The following FMN1 variants were observed in gnomAD, a reference collection of about 807,000 sequenced individuals.
FMN1 encodes the protein formin 1, also known as formin-1.
Under a neutral mutation model 132.4 loss-of-function variants are expected in FMN1, and 110 were observed. The observed-to-expected ratio is 0.83, with a 90% confidence interval of 0.71 to 0.97. FMN1 has a LOEUF of 0.97. Ranked by LOEUF, FMN1 falls within the 50% of genes least tolerant of loss-of-function variation. The pLI is 0.00. For missense variants in FMN1, 1,792 were observed against 1,705.3 expected (o/e 1.05, Z -0.90); for synonymous variants, 722 against 651.7 (o/e 1.11, Z -1.64).
intron 17 of FMN1, among the ~76,000 whole-genome samples, chr15:32,845,914 T>G (rs1464753740): frequency 3.3e-5 from 5 of 151,858 alleles, no homozygotes. Context: ...TTCATCTTCA[T>G]AATGACACTG....
chr15:33,150,456 A>G (rs746453809), intron 4 of FMN1: 41 of 981,298 alleles, frequency 4.2e-5, no homozygotes, highest in Non-Finnish European at 4.7e-5. Flanking sequence ...TATCACCACT[A>G]TGTGGTGATA....
chr15:33,018,033 C>A (rs2035165340), intron 6 of FMN1, among the ~76,000 whole-genome samples: 1 of 151,484 alleles, frequency 6.6e-6, no homozygotes, highest in East Asian at 1.9e-4. Flanking sequence ...CCACTGCACT[C>A]CAGCCTGGGC....
At chr15:33,012,181 T>C (rs931529540) in intron 6 of FMN1, 7 of 569,294 alleles carry the variant, frequency 1.2e-5, no homozygotes, top group African/African-American at 3.7e-5. Context: ...CATCAGAGGG[T>C]TGGGCTTTGA....
In FMN1 at chr15:32,890,832, G is replaced by A. The variant is rs1287176690; in HGVS notation, c.3715-2540C>T. Among the ~76,000 whole-genome samples the A allele has an allele frequency of 2.6e-5, 4 of 152,212 alleles. No individual in the cohort carries two copies. The East Asian group carries it at 7.7e-4, about 29-fold the overall frequency. ...CCTTGCCTAAGCCAACATCTAGAAG[G>A]GTTTTTCCAATGTTATCTTCTAGAA... On this transcript the variant is annotated intron_variant, in intron 15 of 20. Coordinates refer to ENST00000616417, the MANE Select transcript of FMN1 (RefSeq NM_001277313.2).
intron 17 of FMN1, among the ~76,000 whole-genome samples, chr15:32,841,244 G>A (rs1037705279): frequency 6.6e-6 from 1 of 152,098 alleles, no homozygotes; most frequent in African/African-American, 2.4e-5. Context: ...AATATAGAGA[G>A]ACAAAACACA....
intron 5 of FMN1, among the ~76,000 whole-genome samples, chr15:33,069,064 A>G (rs981621758): frequency 2.0e-5 from 3 of 152,198 alleles, no homozygotes; most frequent in African/African-American, 7.2e-5. Flanking sequence ...ATCCCCAAGG[A>G]TCCACGTTCT....
intron 6 of FMN1, among the ~76,000 whole-genome samples, chr15:33,041,043 C>G (rs964015810): frequency 6.6e-5 from 10 of 151,534 alleles, no homozygotes; most frequent in East Asian, 3.9e-4. Flanking sequence ...GAAAAATCAG[C>G]AAGTCAAATT....
At chr15:32,948,647 T>C (rs1318251444) in intron 9 of FMN1, among the ~76,000 whole-genome samples, 1 of 152,184 alleles carries the variant, frequency 6.6e-6, no homozygotes, top group Non-Finnish European at 1.5e-5. Flanking sequence ...TTTTCATTTA[T>C]TGGCAAAAAT....
intron 16 of FMN1, among the ~76,000 whole-genome samples, chr15:32,871,140 G>A (rs2059505931): frequency 6.6e-6 from 1 of 152,170 alleles, no homozygotes; most frequent in Admixed American, 6.5e-5. Context: ...TTCGGGAGGA[G>A]AGCAGCGACT....
At chr15:33,020,713 G>A (rs1200192059) in intron 6 of FMN1, among the ~76,000 whole-genome samples, 1 of 151,630 alleles carries the variant, frequency 6.6e-6, no homozygotes, top group African/African-American at 2.4e-5. Context: ...CGTGTGCCAG[G>A]CACTGAACTA....
chr15:32,798,211 C>T (rs2057355541), intron 19 of FMN1, among the ~76,000 whole-genome samples: 1 of 145,124 alleles, frequency 6.9e-6, no homozygotes, highest in South Asian at 2.2e-4. Flanking sequence ...CACACACACA[C>T]ACACACCCCG....
chr15:33,024,853 T>G (rs2035592999), intron 6 of FMN1, among the ~76,000 whole-genome samples: 1 of 152,174 alleles, frequency 6.6e-6, no homozygotes, highest in Admixed American at 6.5e-5. Context: ...GCAATTAAGA[T>G]GTACATTCAC....
At chr15:32,780,055 A>T (rs574185698) in intron 19 of FMN1, among the ~76,000 whole-genome samples, 1 of 152,334 alleles carries the variant, frequency 6.6e-6, no homozygotes, top group African/African-American at 2.4e-5. Flanking sequence ...GACCCTGCAC[A>T]AGGGAACTCT....
chr15:32,912,046 A>T (rs899996463), intron 10 of FMN1, among the ~76,000 whole-genome samples: 2 of 152,222 alleles, frequency 1.3e-5, no homozygotes, highest in Non-Finnish European at 2.9e-5. Flanking sequence ...ATCAACCAAC[A>T]TGAGCGCATA....
intron 17 of FMN1, among the ~76,000 whole-genome samples, chr15:32,855,614 C>T (rs1335858349): frequency 6.6e-6 from 1 of 152,174 alleles, no homozygotes; most frequent in Non-Finnish European, 1.5e-5. Context: ...AAGAGCATTA[C>T]AGCATGCAGG....
At chr15:33,045,791 C>T (rs189263288) in intron 6 of FMN1, among the ~76,000 whole-genome samples, 6 of 152,208 alleles carry the variant, frequency 3.9e-5, no homozygotes, top group Non-Finnish European at 8.8e-5. Context: ...TGTTCTAACC[C>T]TTTGTTTCAT....
intron 6 of FMN1, among the ~76,000 whole-genome samples, chr15:33,028,848 C>T (rs575566073): frequency 6.6e-6 from 1 of 152,298 alleles, no homozygotes; most frequent in East Asian, 1.9e-4. Context: ...CAAAATACTT[C>T]TTAAGTTTCT....
chr15:32,824,242 C>T (rs1227277004), intron 17 of FMN1, among the ~76,000 whole-genome samples: 2 of 152,208 alleles, frequency 1.3e-5, no homozygotes, highest in Admixed American at 1.3e-4. Flanking sequence ...TTCCTTCATA[C>T]CATGAAAGCC....
At chr15:32,862,278 G>A (rs1049702460) in intron 16 of FMN1, among the ~76,000 whole-genome samples, 5 of 152,166 alleles carry the variant, frequency 3.3e-5, no homozygotes, top group South Asian at 4.2e-4. Flanking sequence ...TGCCTCAGGC[G>A]TGGGCTGTGC....
Sources: gnomAD v4.1 joint callset for allele counts (sites outside exome capture counted in the v4.1 genomes callset) on GRCh38, gnomAD v4.1.1 for gene constraint, MANE v1.5 for transcripts, NCBI Gene and HGNC (gene_info 2026-07-23, HGNC 2026-07-21) for gene names.